Variants in THADA observed in about 807,000 individuals in gnomAD.
THADA encodes THADA armadillo repeat containing, also known as tRNA (32-2'-O)-methyltransferase regulator THADA.
THADA carries 213 observed loss-of-function variants against 219.8 expected under a neutral mutation model. The ratio of observed to expected loss-of-function variants is 0.97; its 90% confidence interval spans 0.87 to 1.09. The LOEUF (loss-of-function observed/expected upper bound fraction) is 1.09. Ranked by LOEUF, THADA falls within the 50% of genes least tolerant of loss-of-function variation. The pLI is 0.00. For synonymous variants in THADA, 1,018 were observed against 828.9 expected (o/e 1.23, Z -3.92); for missense variants, 2,956 against 2,311.3 (o/e 1.28, Z -5.72).
rs568586283 is a variant in THADA at position 43,302,459 on chromosome 2, T to TC, written c.4439-9247_4439-9246insG. ...ATTTCATTTTTGGAATTAACTTTTTTTTTTTTTTTCACTCTTTGGAGCAAG... is the reference window on the plus strand; with the variant it reads ...ATTTCATTTTTGGAATTAACTTTTTTCTTTTTTTTTCACTCTTTGGAGCAAG... On this transcript the variant is annotated intron_variant, in intron 31 of 37. Transcript: ENST00000405975. Among the ~76,000 whole-genome samples the TC allele has an allele frequency of 3.0e-3, 450 of 152,178 alleles. 4 individuals carry two copies. Among genetic ancestry groups the TC allele is most frequent in the African/African-American group, 0.01 (433 of 41,514 alleles).
Position 43,347,400 on chromosome 2 carries a change from T to A in THADA, c.4228-3163A>T, listed in dbSNP as rs1639635099. Among the ~76,000 whole-genome samples the A allele has an allele frequency of 2.0e-5, 3 of 152,204 alleles. No individual in the cohort carries two copies. In the South Asian group the frequency reaches 6.2e-4, roughly 31 times the overall value. On this transcript the variant is annotated intron_variant, in intron 29 of 37. Coordinates refer to ENST00000405975, the MANE Select transcript of THADA (RefSeq NM_022065.5). ...AAAAATAAACAGTCAGAGAAGACTT[T>A]GCAGAAAGAGTGATATGCATACGTG...
At chr2:43,394,948 C>T (rs919023036) in intron 29 of THADA, among the ~76,000 whole-genome samples, 1 of 152,220 alleles carries the variant, frequency 6.6e-6, no homozygotes, top group Non-Finnish European at 1.5e-5. Flanking sequence ...AGGGTTTTAA[C>T]CTTTCCACAG....
At chr2:43,376,316 AAC>A (rs1392380302) in intron 29 of THADA, among the ~76,000 whole-genome samples, 1 of 152,230 alleles carries the variant, frequency 6.6e-6, no homozygotes, top group Non-Finnish European at 1.5e-5. Context: ...ACATTTTTAA[AAC>A]AGAGAACCAT....
intron 36 of THADA, among the ~76,000 whole-genome samples, chr2:43,242,571 A>G (rs1387411689): frequency 2.6e-5 from 4 of 151,990 alleles, no homozygotes; most frequent in Non-Finnish European, 5.9e-5. Flanking sequence ...AGCTCACTAC[A>G]ACCTCCATCT....
intron 36 of THADA, among the ~76,000 whole-genome samples, chr2:43,263,369 T>C (rs1671174293): frequency 6.6e-6 from 1 of 151,210 alleles, no homozygotes; most frequent in Non-Finnish European, 1.5e-5. Context: ...CAAGGATGCA[T>C]ACAGAAATAT....
In THADA at chr2:43,592,027, C is replaced by T. The variant is rs1701638069; in HGVS notation, c.96G>A (p.Gly32=). Residue 32 remains glycine (G), a synonymous_variant, in exon 3 of 38, where the codon GGG becomes GGA. Transcript: ENST00000405975. The part of the protein sequence containing the change: ...ETLKSFADVE[G]KNLASLLLHC... ...GTAACAGCAAAGAAGCTAGATTTTT[C>T]CCTTCCACATCAGCAAAAGCTATAT... 1 of 1,560,552 alleles carries T rather than the reference C, an allele frequency of 6.4e-7. No homozygotes were observed. Among genetic ancestry groups the T allele is most frequent in the Non-Finnish European group, 8.7e-7 (1 of 1,151,178 alleles).
At chr2:43,291,334 C>T (rs1674678417) in intron 34 of THADA, among the ~76,000 whole-genome samples, 1 of 151,268 alleles carries the variant, frequency 6.6e-6, no homozygotes, top group Non-Finnish European at 1.5e-5. Flanking sequence ...GCCTGTAATC[C>T]CAGCTACTCA....
chr2:43,281,434 G>A (rs1572896242), intron 35 of THADA, among the ~76,000 whole-genome samples: 1 of 134,714 alleles, frequency 7.4e-6, no homozygotes. Context: ...CTTTTCTCAT[G>A]TACTTCTTTT....
intron 31 of THADA, among the ~76,000 whole-genome samples, chr2:43,298,894 T>G (rs1164837724): frequency 6.6e-6 from 1 of 152,170 alleles, no homozygotes; most frequent in African/African-American, 2.4e-5. Flanking sequence ...TATTAACTCT[T>G]TAAGTATTTC....
At chr2:43,349,246 A>G (rs979776247) in intron 29 of THADA, among the ~76,000 whole-genome samples, 3 of 152,094 alleles carry the variant, frequency 2.0e-5, no homozygotes, top group Admixed American at 2.0e-4. Context: ...AGCCTTAATG[A>G]AAGTTTGAGG....
rs1352155595 is a variant in THADA at position 43,293,162 on chromosome 2, G to T, written c.4490C>A (p.Ser1497Ter). The T allele has an allele frequency of 5.0e-6, 8 of 1,613,926 alleles. No individual in the cohort carries two copies. ...CCAAGGGAATCCCGTTATCAGCTCT[G>T]ATCCTGAGATAATCCCTCTGACTTC... Reference protein sequence around the residue: ...WEEVRGIISGSELITGFPWAF... With the variant: ...WEEVRGIISG Residue 1497 changes from serine (S) to a stop codon, truncating the protein, a stop_gained, in exon 32 of 38, where the codon TCA (serine) becomes TAA (stop). Transcript: ENST00000405975. LOFTEE classifies it high-confidence loss of function.
At position 43,297,498 on chromosome 2, in the gene THADA, T is replaced by C. The variant is rs1183360171; in HGVS notation, c.4439-4285A>G. Among the ~76,000 whole-genome samples the C allele has an allele frequency of 5.7e-4, 37 of 64,660 alleles. 1 individual carries two copies. In the East Asian group the frequency reaches 0.013, roughly 23 times the overall value. The allele number at this position is 64,660 out of a possible 152,430, so 42.4% of individuals were successfully genotyped here. A position where few individuals can be genotyped will look rare whatever the true frequency, so the allele number is the denominator to read the frequency against. ...CCAGCCGCCCCATCCGGGAGGGAGG[T>C]GGGCGGTCAGCCCCCCCGCCCGGCC... On this transcript the variant is annotated intron_variant, in intron 31 of 37. Coordinates refer to ENST00000405975, the MANE Select transcript of THADA (RefSeq NM_022065.5).
chr2:43,459,834 C>A (rs1683417443), intron 26 of THADA, among the ~76,000 whole-genome samples: 1 of 152,072 alleles, frequency 6.6e-6, no homozygotes, highest in African/African-American at 2.4e-5. Context: ...TTTTAAAAAA[C>A]TGAGTTTGCC....
At chr2:43,485,547 G>T (rs1291113838) in intron 25 of THADA, among the ~76,000 whole-genome samples, 1 of 151,960 alleles carries the variant, frequency 6.6e-6, no homozygotes, top group African/African-American at 2.4e-5. Context: ...ACACAACACA[G>T]CCTTTTCCTA....
chr2:43,479,121 C>T (rs898831081), intron 26 of THADA, among the ~76,000 whole-genome samples: 6 of 152,282 alleles, frequency 3.9e-5, no homozygotes, highest in Middle Eastern at 3.4e-3. Context: ...ACTTTCAAAT[C>T]ATTAATATTT....
At position 43,556,523 on chromosome 2, in the gene THADA, T is replaced by A. The variant is rs6712958; in HGVS notation, c.2496A>T (p.Ala832=). The A allele has an allele frequency of 6.2e-7, 1 of 1,613,726 alleles. No individual in the cohort carries two copies. Among genetic ancestry groups the A allele is most frequent in the African/African-American group, 1.3e-5 (1 of 74,912 alleles). Residue 832 remains alanine (A), a synonymous_variant, in exon 17 of 38, where the codon GCA becomes GCT. Coordinates refer to ENST00000405975, the MANE Select transcript of THADA (RefSeq NM_022065.5). ...DSGKLQGLFQ[A]ALELSTSTKP... is the part of the protein sequence containing the mutation. ...TGGTGCTTGTGCTGAGCTCCAATGC[T>A]GCCTGAAATAAGCCTTGCAGTTTCC...
rs985719695 is a variant in THADA at position 43,337,719 on chromosome 2, A to C, written c.4343+6403T>G. On this transcript the variant is annotated intron_variant, in intron 30 of 37. Coordinates refer to ENST00000405975, the MANE Select transcript of THADA (RefSeq NM_022065.5). ...TACACACACACACACACACACACAC[A>C]CCACACTCATGTACAAAGATTTTTC... Among the ~76,000 whole-genome samples the C allele has an allele frequency of 7.4e-5, 11 of 149,326 alleles. No individual in the cohort carries two copies. In the East Asian group the frequency reaches 1.9e-3, roughly 26 times the overall value.
At chr2:43,434,371 C>T (rs553177776) in intron 26 of THADA, among the ~76,000 whole-genome samples, 3 of 152,310 alleles carry the variant, frequency 2.0e-5, no homozygotes, top group Admixed American at 6.5e-5. Flanking sequence ...GCTCTGTCTC[C>T]GGCCTGTGCC....
chr2:43,320,182 G>A (rs965325963), intron 31 of THADA, among the ~76,000 whole-genome samples: 5 of 152,172 alleles, frequency 3.3e-5, no homozygotes, highest in African/African-American at 9.7e-5. Flanking sequence ...AGCCGGGGTC[G>A]TAGATGCAGA....
Sources: gnomAD v4.1 joint callset for allele counts (sites outside exome capture counted in the v4.1 genomes callset) on GRCh38, gnomAD v4.1.1 for gene constraint, MANE v1.5 for transcripts, NCBI Gene and HGNC (gene_info 2026-07-23, HGNC 2026-07-21) for gene names.